The following COL14A1 variants were observed in gnomAD, a reference collection of about 807,000 sequenced individuals.
COL14A1 encodes the protein collagen alpha-1(XIV) chain.
A neutral mutation model predicts 230.3 loss-of-function variants in COL14A1; 136 were observed. That is an observed-to-expected ratio of 0.59 (90% CI 0.51 to 0.68). The LOEUF (loss-of-function observed/expected upper bound fraction) is 0.68. Ranked by LOEUF, COL14A1 falls within the 30% of genes least tolerant of loss-of-function variation. COL14A1 has a pLI of 0.00. For missense variants in COL14A1, 1,976 were observed against 2,215.8 expected (o/e 0.89, Z 2.17); for synonymous variants, 792 against 784.1 (o/e 1.01, Z -0.17).
Position 120,296,874 on chromosome 8 carries a change from A to G in COL14A1, c.4237-637A>G, listed in dbSNP as rs182653612. On this transcript the variant is annotated intron_variant, in intron 34 of 47. Coordinates refer to ENST00000297848, the MANE Select transcript of COL14A1 (RefSeq NM_021110.4). ...ATGTGAAGCTGTCATGACATTTGCC[A>G]CATTGTGTACCATATTTATGTGCTC... Among the ~76,000 whole-genome samples the G allele has an allele frequency of 2.4e-3, 362 of 152,074 alleles. 4 individuals carry two copies. Among genetic ancestry groups the G allele is most frequent in the Non-Finnish European group, 1.8e-3 (125 of 67,902 alleles).
chr8:120,319,905 C>G (rs1025848225), intron 40 of COL14A1, among the ~76,000 whole-genome samples: 19 of 152,228 alleles, frequency 1.2e-4, no homozygotes, highest in African/African-American at 4.6e-4. Flanking sequence ...CATTCCAGGT[C>G]ATTCCAACAG....
intron 22 of COL14A1, among the ~76,000 whole-genome samples, chr8:120,252,098 A>G (rs1818986404): frequency 6.6e-6 from 1 of 152,202 alleles, no homozygotes; most frequent in African/African-American, 2.4e-5. Flanking sequence ...TTATGTTTAC[A>G]ATGTGTAATG....
chr8:120,247,569 G>A, intron 20 of COL14A1, 44 bp from the exon 21 acceptor site: 1 of 1,585,414 alleles, frequency 6.3e-7, no homozygotes, highest in Non-Finnish European at 8.6e-7. Flanking sequence ...CATAAAGAAG[G>A]AAATTACACT....
At position 120,158,148 on chromosome 8, in the gene COL14A1, TA is replaced by T; in HGVS notation, c.109del (p.Arg37AspfsTer4). ...VQGQVAPPTRLRYNVISHDSI... is the reference protein window; with the variant it reads ...VQGQVAPPTRXRYNVISHDSI... Reference sequence around the variant, plus strand: ...TTTTCAGTGGCTCCACCCACAAGGTTAAGATATAATGTAATATCTCATGACA... The same window carrying T: ...TTTTCAGTGGCTCCACCCACAAGGTTAGATATAATGTAATATCTCATGACA... On this transcript the variant is annotated frameshift_variant, in exon 3 of 48. Transcript: ENST00000297848. LOFTEE classifies it high-confidence loss of function. The T allele has an allele frequency of 6.3e-7, 1 of 1,588,846 alleles. No individual in the cohort carries two copies. The highest frequency in any genetic ancestry group is 8.6e-7 in the Non-Finnish European group (1 of 1,165,482).
chr8:120,279,552 GAAAA>G, intron 28 of COL14A1, among the ~76,000 whole-genome samples: 1 of 136,662 alleles, frequency 7.3e-6, no homozygotes, highest in African/African-American at 2.6e-5. Flanking sequence ...TTCTACTTCT[GAAAA>G]AAAAAAAAAA....
At chr8:120,342,042 C>T (rs1261328296) in intron 43 of COL14A1, among the ~76,000 whole-genome samples, 1 of 152,174 alleles carries the variant, frequency 6.6e-6, no homozygotes, top group Non-Finnish European at 1.5e-5. Context: ...TGAGCCACTG[C>T]TCGAGAAAGT....
chr8:120,314,005 GT>G lies in COL14A1; in HGVS notation c.4530del (p.Leu1511CysfsTer61). ...CCACCTGGACCTCAAGGACCAAGTG[GT>G]CTGTCCATTCAAGGAATGCCCGTGA... Reference protein sequence around the residue: ...QGPPGPQGPSGLSIQGMPGMP... With the variant: ...QGPPGPQGPSXLSIQGMPGMP... On this transcript the variant is annotated frameshift_variant, in exon 38 of 48. Coordinates refer to ENST00000297848, the MANE Select transcript of COL14A1 (RefSeq NM_021110.4). LOFTEE classifies it high-confidence loss of function. 6.2e-7 allele frequency: 1 copy of G among 1,612,048 alleles called. No homozygotes were observed. Among genetic ancestry groups the G allele is most frequent in the South Asian group, 1.1e-5 (1 of 90,614 alleles).
chr8:120,146,272 G>C (rs1172885907), intron 1 of COL14A1, among the ~76,000 whole-genome samples: 1 of 152,074 alleles, frequency 6.6e-6, no homozygotes, highest in Non-Finnish European at 1.5e-5. Context: ...GTGAACCATG[G>C]GAAAACTTCT....
chr8:120,271,653 C>T (rs576068669), intron 26 of COL14A1, among the ~76,000 whole-genome samples: 2 of 151,420 alleles, frequency 1.3e-5, no homozygotes, highest in Admixed American at 1.3e-4. Flanking sequence ...TACAGAGGAC[C>T]CAAGGTGAGA....
At chr8:120,306,282 T>A (rs1367072972) in intron 36 of COL14A1, among the ~76,000 whole-genome samples, 2 of 152,124 alleles carry the variant, frequency 1.3e-5, no homozygotes, top group Non-Finnish European at 2.9e-5. Context: ...AAATATTTAT[T>A]TGTGACCTAA....
upstream of COL14A1, among the ~76,000 whole-genome samples, chr8:120,124,549 C>A (rs2130348959): frequency 6.6e-6 from 1 of 152,276 alleles, no homozygotes. Context: ...ATGTCCATTT[C>A]GATACCTCCA....
intron 45 of COL14A1, among the ~76,000 whole-genome samples, chr8:120,359,981 G>T (rs954986120): frequency 4.6e-5 from 7 of 152,090 alleles, no homozygotes; most frequent in Admixed American, 1.3e-4. Flanking sequence ...TGAGTCTGTG[G>T]TCAAAATACC....
chr8:120,341,736 G>A (rs1433284410), intron 43 of COL14A1, among the ~76,000 whole-genome samples: 2 of 152,200 alleles, frequency 1.3e-5, no homozygotes, highest in African/African-American at 2.4e-5. Flanking sequence ...AGTGACAAGT[G>A]GCAGCATGGC....
chr8:120,284,102 A>G (rs1292345663), intron 32 of COL14A1, among the ~76,000 whole-genome samples: 1 of 152,206 alleles, frequency 6.6e-6, no homozygotes, highest in East Asian at 1.9e-4. Flanking sequence ...GAGGGGTGGG[A>G]CCACAGTTCA....
At chr8:120,265,649 G>T (rs537835530) in intron 24 of COL14A1, among the ~76,000 whole-genome samples, 5 of 151,798 alleles carry the variant, frequency 3.3e-5, no homozygotes, top group Admixed American at 3.3e-4. Flanking sequence ...ATATGTGTGT[G>T]TGTGTGTGTA....
At chr8:120,202,484 G>A (rs1218778504) in intron 8 of COL14A1, among the ~76,000 whole-genome samples, 1 of 152,048 alleles carries the variant, frequency 6.6e-6, no homozygotes, top group Non-Finnish European at 1.5e-5. Flanking sequence ...TTGAAATGAC[G>A]GGGATTATAA....
chr8:120,183,692 ATGT>A (rs770517234), intron 5 of COL14A1, among the ~76,000 whole-genome samples: 14 of 152,302 alleles, frequency 9.2e-5, no homozygotes, highest in African/African-American at 2.2e-4. Flanking sequence ...GAGTGCTGAA[ATGT>A]TGTTTCGGCT....
At position 120,373,028 on chromosome 8, in the gene COL14A1, C is replaced by A. The variant is rs927728668; in HGVS notation, c.*1797C>A. Among the ~76,000 whole-genome samples the A allele has an allele frequency of 1.3e-5, 2 of 152,136 alleles. No homozygotes were observed. Among genetic ancestry groups the A allele is most frequent in the African/African-American group, 2.4e-5 (1 of 41,428 alleles). ...CCCAGAGTCACCTAAGAGAACTCTT[C>A]CAACTTAAATGACTAGGGTGTGTAA... On this transcript the variant is annotated 3_prime_UTR_variant, in exon 48 of 48. Transcript: ENST00000297848.
chr8:120,295,249 A>G (rs950183683), intron 34 of COL14A1, among the ~76,000 whole-genome samples: 6 of 151,916 alleles, frequency 3.9e-5, no homozygotes, highest in Admixed American at 1.3e-4. Context: ...GTAAGATTTC[A>G]TTGGGCTATC....
Sources: gnomAD v4.1 joint callset for allele counts (sites outside exome capture counted in the v4.1 genomes callset) on GRCh38, gnomAD v4.1.1 for gene constraint, MANE v1.5 for transcripts, NCBI Gene and HGNC (gene_info 2026-07-23, HGNC 2026-07-21) for gene names.